WDR7: variants seen among roughly 807,000 people sequenced by gnomAD.
WDR7 encodes the protein WD repeat-containing protein 7.
Under a neutral mutation model 169.4 loss-of-function variants are expected in WDR7, and 46 were observed. The ratio of observed to expected loss-of-function variants is 0.27; its 90% CI spans 0.21 to 0.35. The LOEUF (loss-of-function observed/expected upper bound fraction) is 0.35, where lower values mean the gene tolerates loss of function less well. Among genes scored for constraint, WDR7 ranks in the 10% least tolerant of loss-of-function variants. WDR7 has a pLI of 1.00. For missense variants in WDR7, 1,534 were observed against 1,859.3 expected (o/e 0.83, Z 3.22); for synonymous variants, 612 against 666.8 (o/e 0.92, Z 1.27).
At chr18:56,925,115 G>C (rs2046786611) in intron 22 of WDR7, among the ~76,000 whole-genome samples, 1 of 152,180 alleles carries the variant, frequency 6.6e-6, no homozygotes, top group Admixed American at 6.5e-5. Flanking sequence ...GTGCTTTGTT[G>C]CTCTTTATGG....
intron 21 of WDR7, among the ~76,000 whole-genome samples, chr18:56,901,069 C>T (rs1377686540): frequency 6.6e-6 from 1 of 152,122 alleles, no homozygotes; most frequent in Non-Finnish European, 1.5e-5. Flanking sequence ...AAAACTTTCA[C>T]ATCACTAAAA....
intron 2 of WDR7, 120 bp downstream of exon 2, chr18:56,672,794 A>C: frequency 2.0e-6 from 2 of 992,206 alleles, no homozygotes; most frequent in East Asian, 2.9e-5. Flanking sequence ...ATGTGTTTTG[A>C]CTAAAACTAG....
At chr18:56,704,926 A>G (rs185692569) in intron 12 of WDR7, among the ~76,000 whole-genome samples, 88 of 152,326 alleles carry the variant, frequency 5.8e-4, no homozygotes, top group Non-Finnish European at 6.5e-4. Flanking sequence ...AAAGTATTAC[A>G]CAACAACTAA....
At chr18:56,932,969 G>A (rs2046910284) in intron 22 of WDR7, among the ~76,000 whole-genome samples, 1 of 152,084 alleles carries the variant, frequency 6.6e-6, no homozygotes, top group South Asian at 2.1e-4. Flanking sequence ...AACCGGAGAA[G>A]GGATGGAAGC....
chr18:56,965,193 A>ACTTGGCTGTAGGGGTATGGTCC (rs2047390654), intron 26 of WDR7, among the ~76,000 whole-genome samples: 1 of 152,272 alleles, frequency 6.6e-6, no homozygotes, highest in South Asian at 2.1e-4. Flanking sequence ...TAGAAAATTC[A>ACTTGGCTGTAGGGGTATGGTCC]CTTGGCTGTA....
chr18:56,903,565 A>G (rs2046433086), intron 21 of WDR7, among the ~76,000 whole-genome samples: 2 of 151,952 alleles, frequency 1.3e-5, no homozygotes, highest in Admixed American at 1.3e-4. Context: ...GATTACAGGC[A>G]TGTGCCACCA....
chr18:56,967,301 T>C (rs2047423795), intron 26 of WDR7, among the ~76,000 whole-genome samples: 1 of 152,096 alleles, frequency 6.6e-6, no homozygotes, highest in South Asian at 2.1e-4. Flanking sequence ...TCAGAAACTT[T>C]GATGCAATTC....
At chr18:56,966,981 A>G (rs1394443687) in intron 26 of WDR7, among the ~76,000 whole-genome samples, 1 of 152,178 alleles carries the variant, frequency 6.6e-6, no homozygotes, top group Non-Finnish European at 1.5e-5. Flanking sequence ...CAAAATGGTA[A>G]CTTAGGTAAA....
chr18:57,030,371 G>A (rs933971319), downstream of WDR7: 6 of 152,158 alleles, frequency 3.9e-5, no homozygotes, highest in Admixed American at 2.0e-4. Context: ...GTAAGAATTC[G>A]GTGAACATTC....
At chr18:56,903,384 G>T (rs1396243858) in intron 21 of WDR7, among the ~76,000 whole-genome samples, 2 of 151,750 alleles carry the variant, frequency 1.3e-5, no homozygotes, top group Non-Finnish European at 2.9e-5. Context: ...TAGCCAATTG[G>T]TATATTTGTT....
intron 21 of WDR7, among the ~76,000 whole-genome samples, chr18:56,883,433 A>G (rs1374523592): frequency 6.6e-6 from 1 of 151,492 alleles, no homozygotes; most frequent in Non-Finnish European, 1.5e-5. Flanking sequence ...TAACTGTAAT[A>G]ATTTTATTTT....
chr18:56,763,118 C>T (rs1340408685), intron 16 of WDR7, among the ~76,000 whole-genome samples: 1 of 151,848 alleles, frequency 6.6e-6, no homozygotes, highest in African/African-American at 2.4e-5. Flanking sequence ...CCGCACCACG[C>T]CCAGCTAATT....
At chr18:56,656,739 T>G (rs554919291) in intron 1 of WDR7, among the ~76,000 whole-genome samples, 2 of 152,338 alleles carry the variant, frequency 1.3e-5, no homozygotes, top group African/African-American at 2.4e-5. Context: ...TATGTATTTT[T>G]ATTCTTTCCT....
At position 56,962,446 on chromosome 18, in the gene WDR7, T is replaced by C. The variant is rs1295920531; in HGVS notation, c.4081T>C (p.Tyr1361His). ...PAICRFYMVS[Y>H]YERNHRIAVG... ...TCAACTCAGGTTCTACATGGTCAGC[T>C]ATTATGAGCGGAATCACAGAATAGC... The change falls in exon 26 of 28, where the codon TAT (tyrosine) becomes CAT (histidine). Residue 1361 changes from tyrosine (Y) to histidine (H), a missense_variant. Physicochemically the swap from Tyr to His is moderately conservative, Grantham distance 83 (BLOSUM62 2). Coordinates refer to ENST00000254442, the MANE Select transcript of WDR7 (RefSeq NM_015285.3). The C allele has an allele frequency of 6.2e-7, 1 of 1,613,070 alleles. No homozygotes were observed. Among genetic ancestry groups the C allele is most frequent in the Admixed American group, 1.7e-5 (1 of 59,906 alleles).
chr18:56,794,856 A>C lies in WDR7; in HGVS notation c.3190+13200A>C, dbSNP rs553671907. 1.3e-3 allele frequency among the ~76,000 whole-genome samples: 202 copies of C among 152,236 alleles called. No homozygotes were observed. The Middle Eastern group carries it at 0.014, about 10-fold the overall frequency. On this transcript the variant is annotated intron_variant, in intron 19 of 27. Coordinates refer to ENST00000254442, the MANE Select transcript of WDR7 (RefSeq NM_015285.3). ...ATCAATCAATCATCTACTTGTCTTT[A>C]GCTCTTTCTCCTCCCGTTCTTTATG...
At chr18:56,927,709 G>GT (rs1288298117) in intron 22 of WDR7, among the ~76,000 whole-genome samples, 2 of 152,128 alleles carry the variant, frequency 1.3e-5, no homozygotes, top group Admixed American at 6.5e-5. Context: ...ATCTACAGTT[G>GT]TTTTCTAATG....
In WDR7 at chr18:56,962,535, T is replaced by TAA; in HGVS notation, c.4164+8_4164+9dup. On this transcript the variant is annotated splice_region_variant and intron_variant, in intron 26 of 27. Coordinates refer to ENST00000254442, the MANE Select transcript of WDR7 (RefSeq NM_015285.3). The stretch of plus-strand genomic sequence containing the variant: ...TCCGGACTGGAAAATGTCAGGTAAA[T>TAA]AAATCATTGTGACTTCCTCTCCATA... 6.2e-7 allele frequency: 1 copy of TAA among 1,611,942 alleles called. No homozygotes were observed. Among genetic ancestry groups the TAA allele is most frequent in the Non-Finnish European group, 8.5e-7 (1 of 1,178,516 alleles).
intron 19 of WDR7, among the ~76,000 whole-genome samples, chr18:56,785,043 G>A (rs544405476): frequency 1.3e-5 from 2 of 152,156 alleles, no homozygotes; most frequent in East Asian, 1.9e-4. Flanking sequence ...ACTCGTTTTA[G>A]TTTGCTTTAC....
intron 7 of WDR7, among the ~76,000 whole-genome samples, chr18:56,688,534 T>G (rs1208249197): frequency 7.0e-6 from 1 of 142,734 alleles, no homozygotes; most frequent in Non-Finnish European, 1.5e-5. Context: ...CTGGCCAACA[T>G]GTGAAACCCC....
Sources: gnomAD v4.1 joint callset for allele counts (sites outside exome capture counted in the v4.1 genomes callset) on GRCh38, gnomAD v4.1.1 for gene constraint, MANE v1.5 for transcripts, NCBI Gene and HGNC (gene_info 2026-07-23, HGNC 2026-07-21) for gene names.